CAMK4: variants seen among roughly 807,000 people sequenced by gnomAD.
The protein encoded by CAMK4 is calcium/calmodulin-dependent protein kinase type IV.
Under a neutral mutation model 44.9 loss-of-function variants are expected in CAMK4, and 22 were observed. The ratio of observed to expected loss-of-function variants is 0.49; its 90% CI spans 0.35 to 0.70. The LOEUF (loss-of-function observed/expected upper bound fraction) is 0.70. CAMK4 is among the 30% of genes least tolerant of loss of function. The pLI, the probability that CAMK4 is intolerant of heterozygous loss-of-function variation, is 0.01. For synonymous variants in CAMK4, 218 were observed against 215.4 expected, an observed-to-expected ratio of 1.01 and a Z score of -0.11; for missense variants, 498 against 586.8, an observed-to-expected ratio of 0.85 and a Z score of 1.56.
At chr5:111,293,271 A>G (rs1030392928) in intron 1 of CAMK4, among the ~76,000 whole-genome samples, 3 of 152,162 alleles carry the variant, frequency 2.0e-5, no homozygotes, top group African/African-American at 7.2e-5. Context: ...AATCCTTATT[A>G]TTTGGCAGAA....
chr5:111,459,480 T>A (rs1238432996), intron 7 of CAMK4, among the ~76,000 whole-genome samples: 1 of 152,196 alleles, frequency 6.6e-6, no homozygotes, highest in Non-Finnish European at 1.5e-5. Flanking sequence ...ATTAGGTACA[T>A]AGTGTGTGGT....
chr5:111,472,791 T>G (rs1755109678), intron 7 of CAMK4, among the ~76,000 whole-genome samples: 1 of 152,126 alleles, frequency 6.6e-6, no homozygotes, highest in Admixed American at 6.5e-5. Flanking sequence ...GGACACCTCC[T>G]AGCTCCTGCT....
intron 1 of CAMK4, among the ~76,000 whole-genome samples, chr5:111,322,311 G>T (rs1413649744): frequency 1.3e-5 from 2 of 152,102 alleles, no homozygotes; most frequent in Non-Finnish European, 1.5e-5. Flanking sequence ...GGCCAGGCCA[G>T]GGTGGAGAAA....
intron 1 of CAMK4, among the ~76,000 whole-genome samples, chr5:111,233,945 G>A (rs915739284): frequency 1.9e-4 from 29 of 152,140 alleles, no homozygotes; most frequent in African/African-American, 6.8e-4. Flanking sequence ...GGTGCTAGAA[G>A]AAAGTATTAG....
At chr5:111,365,019 C>T (rs1264188052) in intron 2 of CAMK4, 2 of 152,234 alleles carry the variant, frequency 1.3e-5, no homozygotes, top group African/African-American at 2.4e-5. Flanking sequence ...TTTCCATTCT[C>T]TTCTTTGTTG....
chr5:111,453,087 C>T (rs2300782), intron 7 of CAMK4, among the ~76,000 whole-genome samples: 52,794 of 152,036 alleles, frequency 0.35, 10,478 homozygotes, highest in Middle Eastern at 0.5. Context: ...GGTTCCATTT[C>T]TATGTAAGTA....
chr5:111,308,367 A>C (rs1748030140), intron 1 of CAMK4, among the ~76,000 whole-genome samples: 1 of 152,216 alleles, frequency 6.6e-6, no homozygotes, highest in South Asian at 2.1e-4. Context: ...CAGAAATCCA[A>C]ATATATAAAA....
At position 111,362,313 on chromosome 5, in the gene CAMK4, TA is replaced by T. The variant is rs376050287; in HGVS notation, c.241-12534del. On this transcript the variant is annotated intron_variant, in intron 2 of 10. Coordinates refer to ENST00000282356, the MANE Select transcript of CAMK4 (RefSeq NM_001744.6). ...TGCTGATTATAGAATATATTAGTAATAAATCTTAAGGAATCATTCATGTCTA... is the reference window on the plus strand; with the variant it reads ...TGCTGATTATAGAATATATTAGTAATAATCTTAAGGAATCATTCATGTCTA... Among the ~76,000 whole-genome samples, 110 of 152,156 alleles carry T rather than the reference TA, an allele frequency of 7.2e-4. 3 individuals are homozygous for T. In the South Asian group the frequency reaches 0.019, roughly 26 times the overall value.
At chr5:111,238,958 T>C (rs1315011406) in intron 1 of CAMK4, among the ~76,000 whole-genome samples, 1 of 151,656 alleles carries the variant, frequency 6.6e-6, no homozygotes, top group Non-Finnish European at 1.5e-5. Flanking sequence ...TGGATCCCAC[T>C]GTGCATCCGT....
intron 5 of CAMK4, among the ~76,000 whole-genome samples, chr5:111,421,296 G>C (rs1190373693): frequency 1.3e-5 from 2 of 152,170 alleles, no homozygotes; most frequent in African/African-American, 4.8e-5. Context: ...TCTGGTTTTA[G>C]TTACTGTCTT....
intron 2 of CAMK4, among the ~76,000 whole-genome samples, chr5:111,370,187 A>C (rs1336867867): frequency 6.6e-6 from 1 of 152,146 alleles, no homozygotes. Flanking sequence ...AAAGCAAATG[A>C]TTTTACCAGA....
chr5:111,260,596 T>C (rs761554936), intron 1 of CAMK4, among the ~76,000 whole-genome samples: 21 of 152,202 alleles, frequency 1.4e-4, no homozygotes, highest in Non-Finnish European at 2.9e-5. Context: ...GCCTGATTTT[T>C]GAATCTGAAT....
intron 8 of CAMK4, among the ~76,000 whole-genome samples, chr5:111,475,660 G>A (rs1291771362): frequency 1.3e-5 from 2 of 152,176 alleles, no homozygotes; most frequent in Non-Finnish European, 2.9e-5. Context: ...AAATAACAGT[G>A]CTGCTTACAA....
intron 1 of CAMK4, among the ~76,000 whole-genome samples, chr5:111,275,969 A>T (rs1750744043): frequency 6.6e-6 from 1 of 152,142 alleles, no homozygotes. Context: ...ATATTTCAGG[A>T]CCTTAAATAT....
chr5:111,412,674 A>G (rs1752671990), intron 5 of CAMK4, among the ~76,000 whole-genome samples: 1 of 152,162 alleles, frequency 6.6e-6, no homozygotes, highest in Admixed American at 6.5e-5. Flanking sequence ...GTGGGACTCA[A>G]CTCTGGAGGC....
chr5:111,483,241 C>T (rs1277894733), intron 10 of CAMK4, among the ~76,000 whole-genome samples: 2 of 152,024 alleles, frequency 1.3e-5, no homozygotes, highest in South Asian at 2.1e-4. Flanking sequence ...CAGCATTGTT[C>T]AGGGAAAACT....
chr5:111,432,894 G>A (rs763024225), intron 5 of CAMK4, among the ~76,000 whole-genome samples: 4 of 151,934 alleles, frequency 2.6e-5, no homozygotes, highest in African/African-American at 4.8e-5. Flanking sequence ...CCTGTGCCTA[G>A]ATTCTAAGAG....
chr5:111,336,589 A>G (rs2416264), intron 1 of CAMK4, among the ~76,000 whole-genome samples: 52,252 of 150,586 alleles, frequency 0.35, 9,378 homozygotes, highest in Admixed American at 0.4. Flanking sequence ...CCTGAAGTTG[A>G]TCAGCCAAAA....
intron 2 of CAMK4, among the ~76,000 whole-genome samples, chr5:111,352,253 A>G (rs1750140925): frequency 6.6e-6 from 1 of 152,134 alleles, no homozygotes; most frequent in Admixed American, 6.6e-5. Context: ...ATAAAAAATG[A>G]AAATAGCTAT....
Sources: gnomAD v4.1 joint callset for allele counts (sites outside exome capture counted in the v4.1 genomes callset) on GRCh38, gnomAD v4.1.1 for gene constraint, MANE v1.5 for transcripts, NCBI Gene and HGNC (gene_info 2026-07-23, HGNC 2026-07-21) for gene names.